The following AP3M1 variants were observed in gnomAD, a reference collection of about 807,000 sequenced individuals.
AP3M1 encodes AP-3 complex subunit mu-1.
A neutral mutation model predicts 42.6 loss-of-function variants in AP3M1; 29 were observed. The ratio of observed to expected loss-of-function variants is 0.68; its 90% CI spans 0.51 to 0.93. The LOEUF is 0.93. Among genes scored for constraint, AP3M1 ranks in the 40% least tolerant of loss-of-function variants. The probability of loss-of-function intolerance (pLI) is 0.00; values close to 1 mark genes in which losing one functional copy is unlikely to be tolerated. For synonymous variants in AP3M1, 178 were observed against 175.3 expected (o/e 1.02, Z -0.12); for missense variants, 416 against 510.2 (o/e 0.82, Z 1.78).
intron 8 of AP3M1, 31 bp from the exon 9 acceptor site, chr10:74,123,941 T>C: frequency 1.3e-6 from 2 of 1,565,232 alleles, no homozygotes; most frequent in Non-Finnish European, 1.8e-6. Context: ...AAGAATAAAT[T>C]ATCATCATCC....
rs370699966 is a variant in AP3M1 at position 74,148,877 on chromosome 10, G to T, written c.-4+1878C>A. On this transcript the variant is annotated intron_variant, in intron 1 of 8. Transcript: ENST00000355264. ...CCATCTGCCCATAGTATATTGGTTT[G>T]TTTTTTTTTTTTTTGAGACGGAGTC... Among the ~76,000 whole-genome samples, 477 of 138,686 alleles carry T rather than the reference G, an allele frequency of 3.4e-3. 2 individuals carry two copies. Among genetic ancestry groups the T allele is most frequent in the African/African-American group, 0.011 (414 of 38,024 alleles). 91.0% of individuals were successfully genotyped at this position (138,686 alleles called of 152,430 possible).
In AP3M1 at chr10:74,124,479, T is replaced by G. The variant is rs949016822; in HGVS notation, c.1057A>C (p.Ser353Arg). 1 of 1,612,198 alleles carries G rather than the reference T, an allele frequency of 6.2e-7. No individual in the cohort carries two copies. ...TGTAAATTTACCAGTCCTTTAAGAC[T>G]TGGGAGCTTTTGTGGAGTAATTTTT... The part of the protein sequence containing the change: ...VGKITPQKLP[S>R]LKGLVNLQSG... Residue 353 changes from serine (S) to arginine (R), a missense_variant, in exon 8 of 9, where the codon AGT becomes CGT. Coordinates refer to ENST00000355264, the MANE Select transcript of AP3M1 (RefSeq NM_012095.6).
intron 4 of AP3M1, among the ~76,000 whole-genome samples, chr10:74,131,402 C>A (rs889168927): frequency 6.6e-6 from 1 of 151,954 alleles, no homozygotes; most frequent in African/African-American, 2.4e-5. Flanking sequence ...CTCCTAACCT[C>A]GTGATCCACC....
chr10:74,146,580 G>A (rs1434880994), intron 1 of AP3M1, among the ~76,000 whole-genome samples: 1 of 152,066 alleles, frequency 6.6e-6, no homozygotes, highest in African/African-American at 2.4e-5. Flanking sequence ...TGAGAGAGAT[G>A]TGTCACTTGG....
Position 74,129,909 on chromosome 10 carries a change from TGAAA to T in AP3M1, c.663_666del (p.Phe222Ter). 10 of 1,610,312 alleles carry T rather than the reference TGAAA, an allele frequency of 6.2e-6. No individual in the cohort carries two copies. The highest frequency in any genetic ancestry group is 7.6e-6 in the Non-Finnish European group (9 of 1,177,146). On this transcript the variant is annotated frameshift_variant, in exon 5 of 9. Transcript: ENST00000355264. LOFTEE classifies it high-confidence loss of function. ...TAAAACAGGAGAATAAAACTTACCA[TGAAA>T]GAAAGGGAGAGATCAGGCATTCCAG...
In AP3M1 at chr10:74,129,260, A is replaced by G. The variant is rs1840705602; in HGVS notation, c.670-19T>C. 6.2e-7 allele frequency: 1 copy of G among 1,612,832 alleles called. No homozygotes were observed. Among genetic ancestry groups the G allele is most frequent in the Non-Finnish European group, 8.5e-7 (1 of 1,179,638 alleles). ...TAGGGTTCTGCCAGAAAAACAGAAGACAGTCGTTCATAGACTATAATGAAT... is the reference window on the plus strand; with the variant it reads ...TAGGGTTCTGCCAGAAAAACAGAAGGCAGTCGTTCATAGACTATAATGAAT... On this transcript the variant is annotated intron_variant, in intron 5 of 8. Transcript: ENST00000355264.
At position 74,138,211 on chromosome 10, in the gene AP3M1, T is replaced by C; in HGVS notation, c.169A>G (p.Ile57Val). The C allele has an allele frequency of 6.2e-7, 1 of 1,613,668 alleles. No homozygotes were observed. The stretch of plus-strand genomic sequence containing the variant: ...AAGAGCTTATCCCGGTAGATACTGA[T>C]GAGGTAGTGGTGAGGTGTTGAAATG... The part of the protein sequence containing the change: ...PVISTPHHYL[I>V]SIYRDKLFFV... The change falls in exon 2 of 9, where the codon ATC becomes GTC. Residue 57 changes from isoleucine (I) to valine (V), a missense_variant. Coordinates refer to ENST00000355264, the MANE Select transcript of AP3M1 (RefSeq NM_012095.6).
intron 1 of AP3M1, among the ~76,000 whole-genome samples, chr10:74,146,802 G>C (rs1056018195): frequency 6.6e-6 from 1 of 151,556 alleles, no homozygotes; most frequent in African/African-American, 2.4e-5. Flanking sequence ...CTTATGGCAG[G>C]AACTCCAACA....
rs777500282 is a variant in AP3M1 at position 74,122,576 on chromosome 10, C to T, written c.*1234G>A. 5.3e-5 allele frequency: 8 copies of T among 152,044 alleles called. No homozygotes were observed. Among genetic ancestry groups the T allele is most frequent in the East Asian group, 1.9e-4 (1 of 5,196 alleles). 9.4% of individuals were successfully genotyped at this position (152,044 alleles called of 1,614,324 possible). ...ACTGACTTTCCAAAACCACGGTGAT[C>T]GGTAGAGTATCATCAATGTTACCGA... On this transcript the variant is annotated 3_prime_UTR_variant, in exon 9 of 9. Coordinates refer to ENST00000355264, the MANE Select transcript of AP3M1 (RefSeq NM_012095.6).
In AP3M1 at chr10:74,128,617, C is replaced by T. The variant is rs534184871; in HGVS notation, c.803+491G>A. Among the ~76,000 whole-genome samples the T allele has an allele frequency of 3.9e-5, 6 of 152,174 alleles. No individual in the cohort carries two copies. The South Asian group carries it at 6.2e-4, about 16-fold the overall frequency. ...GCAGGTAAATTGGGGAATGTCCTCA[C>T]GAACTACAGGTAGGTCTGTCTCCTT... is the stretch of plus-strand genomic sequence containing the variant. On this transcript the variant is annotated intron_variant, in intron 6 of 8. Transcript: ENST00000355264.
At chr10:74,126,970 C>CAAAA (rs58110411) in intron 6 of AP3M1, among the ~76,000 whole-genome samples, 27 of 32,354 alleles carry the variant, frequency 8.3e-4, no homozygotes, top group East Asian at 4.9e-3. Context: ...GACGCCATCT[C>CAAAA]AAAAAAAAAA....
chr10:74,137,805 T>C (rs956536506), intron 2 of AP3M1, among the ~76,000 whole-genome samples: 4 of 152,246 alleles, frequency 2.6e-5, no homozygotes, highest in African/African-American at 9.6e-5. Context: ...GAGAAGAAGT[T>C]TGTACATGTT....
At chr10:74,139,644 G>A (rs1490618467) in intron 1 of AP3M1, among the ~76,000 whole-genome samples, 4 of 150,990 alleles carry the variant, frequency 2.6e-5, no homozygotes, top group Non-Finnish European at 3.0e-5. Context: ...AAGGCCAGGC[G>A]CGGTGGCTCA....
chr10:74,147,825 C>G (rs1020900397), intron 1 of AP3M1, among the ~76,000 whole-genome samples: 10 of 151,864 alleles, frequency 6.6e-5, no homozygotes, highest in African/African-American at 2.2e-4. Flanking sequence ...ATGGCGAAAC[C>G]CTGTCTCTAC....
rs199587398 is a variant in AP3M1, at chr10:74,134,231, G to GA, written c.446-68dup. The GA allele has an allele frequency of 3.2e-3, 4,687 of 1,476,542 alleles. 81 individuals are homozygous for GA. In the African/African-American group the frequency reaches 0.047, roughly 15 times the overall value. The allele number at this position is 1,476,542 out of a possible 1,614,324, so 91.5% of individuals were successfully genotyped here. On this transcript the variant is annotated intron_variant, in intron 3 of 8. Coordinates refer to ENST00000355264, the MANE Select transcript of AP3M1 (RefSeq NM_012095.6). ...CAGTCATGAGAAAATTTATTACTAG[G>GA]AAAAAAAAAGCTGCTTCTTCAATGT... is the stretch of plus-strand genomic sequence containing the variant.
chr10:74,132,619 T>G (rs1033569010), intron 4 of AP3M1, among the ~76,000 whole-genome samples: 9 of 151,068 alleles, frequency 6.0e-5, no homozygotes, highest in Non-Finnish European at 1.0e-4. Context: ...GAGTTTGAGG[T>G]AGGAGGATCA....
At chr10:74,128,126 G>GAAA (rs1564544493) in intron 6 of AP3M1, among the ~76,000 whole-genome samples, 117 of 135,644 alleles carry the variant, frequency 8.6e-4, no homozygotes, top group African/African-American at 1.3e-3. Context: ...AAAAAAAAAG[G>GAAA]AAAAGAAAAG....
chr10:74,140,292 C>T (rs929642899), intron 1 of AP3M1, among the ~76,000 whole-genome samples: 6 of 152,236 alleles, frequency 3.9e-5, no homozygotes, highest in Non-Finnish European at 8.8e-5. Flanking sequence ...TGCCTTGGGG[C>T]GCTCCTGGCC....
At chr10:74,142,387 A>G (rs1238294162) in intron 1 of AP3M1, among the ~76,000 whole-genome samples, 1 of 152,250 alleles carries the variant, frequency 6.6e-6, no homozygotes, top group Non-Finnish European at 1.5e-5. Flanking sequence ...CTGTTGACAG[A>G]AAACAACATC....
Sources: gnomAD v4.1 joint callset for allele counts (sites outside exome capture counted in the v4.1 genomes callset) on GRCh38, gnomAD v4.1.1 for gene constraint, MANE v1.5 for transcripts, NCBI Gene and HGNC (gene_info 2026-07-23, HGNC 2026-07-21) for gene names.